NAV1: variants seen among roughly 807,000 people sequenced by gnomAD.
NAV1 encodes neuron navigator 1.
NAV1 carries 18 observed loss-of-function variants against 175.2 expected under a neutral mutation model. The observed-to-expected ratio is 0.10, with a 90% confidence interval of 0.07 to 0.15. The LOEUF (loss-of-function observed/expected upper bound fraction) is 0.15. Ranked by LOEUF, NAV1 falls within the 10% of genes least tolerant of loss-of-function variation. NAV1 has a pLI of 1.00. For missense variants in NAV1, 1,731 were observed against 2,436.6 expected, an observed-to-expected ratio of 0.71 and a Z score of 6.10; for synonymous variants, 897 against 978.7, an observed-to-expected ratio of 0.92 and a Z score of 1.56.
At chr1:201,744,933 G>T (rs1272246533) in intron 3 of NAV1, among the ~76,000 whole-genome samples, 3 of 152,178 alleles carry the variant, frequency 2.0e-5, no homozygotes, top group Non-Finnish European at 4.4e-5. Flanking sequence ...CTATCTGGAG[G>T]TCTTTGATAG....
In NAV1 at chr1:201,783,855, A is replaced by G. The variant is rs1338680931; in HGVS notation, c.2804+3A>G. On this transcript the variant is annotated splice_donor_region_variant and intron_variant, in intron 7 of 29. Transcript: ENST00000367296. Reference sequence around the variant, plus strand: ...CCCAGAGCTGGGCAACTGGACAGGTAGGTAGAAAAGACAGCAGAACCTCGG... The same window carrying G: ...CCCAGAGCTGGGCAACTGGACAGGTGGGTAGAAAAGACAGCAGAACCTCGG... The G allele has an allele frequency of 2.5e-6, 4 of 1,598,734 alleles. No homozygotes were observed. The African/African-American group carries it at 4.0e-5, about 16-fold the overall frequency.
exon 30 of NAV1, chr1:201,820,075 G>A (rs1679300395): frequency 1.3e-6 from 1 of 775,870 alleles, no homozygotes; most frequent in East Asian, 2.6e-5. Context: ...GAAAGAGGAG[G>A]GACAGGTTCT....
At chr1:201,544,068 C>T (rs534436915) in intron 1 of NAV1, among the ~76,000 whole-genome samples, 25 of 152,324 alleles carry the variant, frequency 1.6e-4, no homozygotes, top group Non-Finnish European at 3.7e-4. Context: ...AGCCTCAGCG[C>T]GGGCTTCATT....
intron 1 of NAV1, among the ~76,000 whole-genome samples, chr1:201,656,361 G>A (rs1669402757): frequency 6.6e-6 from 1 of 152,246 alleles, no homozygotes; most frequent in African/African-American, 2.4e-5. Context: ...TATGCTGTGT[G>A]TGTTCCCAGC....
At chr1:201,700,138 A>G (rs1671353853) in intron 1 of NAV1, among the ~76,000 whole-genome samples, 3 of 152,344 alleles carry the variant, frequency 2.0e-5, no homozygotes, top group Non-Finnish European at 4.4e-5. Context: ...AGAAACCACC[A>G]TCAGAGTGAA....
exon 1 of NAV1, chr1:201,648,429 C>T (rs1669055407): frequency 2.5e-6 from 3 of 1,222,756 alleles, no homozygotes; most frequent in South Asian, 4.3e-5. Flanking sequence ...CGCTCCCCGG[C>T]TTCCCTGCTC....
chr1:201,699,870 G>A (rs558082131), intron 1 of NAV1, among the ~76,000 whole-genome samples: 187 of 152,290 alleles, frequency 1.2e-3, no homozygotes, highest in African/African-American at 4.1e-3. Context: ...AATGATGCTG[G>A]GAAAACTGGC....
chr1:201,808,098 C>T lies in NAV1; in HGVS notation c.3794C>T (p.Ser1265Leu). 1 of 1,614,196 alleles carries T rather than the reference C, an allele frequency of 6.2e-7. No homozygotes were observed. The highest frequency in any genetic ancestry group is 1.1e-5 in the South Asian group (1 of 91,082). Residue 1265 changes from serine to leucine, a missense_variant, in exon 18 of 30, where the codon TCA becomes TTA. This residue lies in a region of NAV1 where 146 missense variants were observed against 176.8 expected (regional missense o/e 0.83). Transcript: ENST00000367296. The surrounding 1 kb of genome is among the most constrained non-coding windows in gnomAD (Gnocchi z 5.5). The stretch of plus-strand genomic sequence containing the variant: ...CAGCATGGTTCTACAGAGACTGCTT[C>T]ACCCTCCATCAAGTCCTCCACCTCG...
At chr1:201,590,084 G>T (rs897120023) in intron 2 of NAV1, among the ~76,000 whole-genome samples, 2 of 151,834 alleles carry the variant, frequency 1.3e-5, no homozygotes, top group Non-Finnish European at 2.9e-5. Context: ...GTGGAGATGG[G>T]ATTTCACCCT....
At chr1:201,799,690 T>G (rs1303264147) in intron 15 of NAV1, among the ~76,000 whole-genome samples, 1 of 152,062 alleles carries the variant, frequency 6.6e-6, no homozygotes, top group African/African-American at 2.4e-5. Context: ...TGAAACCCTG[T>G]CTCTACTAAA....
chr1:201,649,230 G>A (rs1669091657), exon 1 of NAV1: 1 of 1,612,996 alleles, frequency 6.2e-7, no homozygotes, highest in Non-Finnish European at 8.5e-7. Context: ...GCTCAGCAAG[G>A]CGCCTGAAGC....
chr1:201,642,469 C>A (rs994819732), intron 2 of NAV1, among the ~76,000 whole-genome samples: 1 of 151,478 alleles, frequency 6.6e-6, no homozygotes, highest in African/African-American at 2.4e-5. Flanking sequence ...TCGTGATTCA[C>A]CCAAAGTGCT....
chr1:201,767,710 G>A (rs554443899), intron 3 of NAV1, among the ~76,000 whole-genome samples: 76 of 152,204 alleles, frequency 5.0e-4, no homozygotes, highest in African/African-American at 1.8e-3. Flanking sequence ...GGTCACCAAC[G>A]TCTTAACAAA....
rs1429061481 is a variant in NAV1, at chr1:201,694,461, CG to C, written c.758-18352del. Among the ~76,000 whole-genome samples the C allele has an allele frequency of 6.6e-6, 1 of 152,080 alleles. No individual in the cohort carries two copies. Among genetic ancestry groups the C allele is most frequent in the Non-Finnish European group, 1.5e-5 (1 of 68,004 alleles). Reference sequence around the variant, plus strand: ...AGATGACCCTGGGGAGGGTGAGGGCCGGGGTCACCAGCTGCTGGGGCTTCTT... The same window carrying C: ...AGATGACCCTGGGGAGGGTGAGGGCCGGGTCACCAGCTGCTGGGGCTTCTT... On this transcript the variant is annotated intron_variant, in intron 1 of 29. Transcript: ENST00000367296. This position sits in a 1 kb window ranked among gnomAD's most constrained non-coding sequence, Gnocchi z 4.2.
upstream of NAV1, among the ~76,000 whole-genome samples, chr1:201,619,316 G>A (rs1668090498): frequency 6.6e-6 from 1 of 152,236 alleles, no homozygotes. Context: ...CAAGGGGCTG[G>A]GAGCCCAGGG....
chr1:201,798,788 T>C (rs1218928954), intron 15 of NAV1, among the ~76,000 whole-genome samples: 1 of 142,072 alleles, frequency 7.0e-6, no homozygotes, highest in African/African-American at 2.6e-5. Context: ...CTGTAACTTC[T>C]GCCTCCTGGG....
intron 3 of NAV1, among the ~76,000 whole-genome samples, chr1:201,756,824 CTTTCTTTCTTTCTT>C (rs1335693448): frequency 1.1e-3 from 44 of 40,166 alleles, no homozygotes; most frequent in African/African-American, 2.5e-3. Context: ...TTCTTTCTTT[CTTTCTTTCTTTCTT>C]TCTTTCTTTC....
intron 2 of NAV1, among the ~76,000 whole-genome samples, chr1:201,642,557 T>TATCTTCCTTCCTTCCTTCCTCTTTC (rs1553247081): frequency 9.4e-6 from 1 of 106,018 alleles, no homozygotes; most frequent in African/African-American, 4.3e-5. Context: ...TTCTTTCTTT[T>TATCTTCCTTCCTTCCTTCCTCTTTC]TTCCCTTTCT....
intron 1 of NAV1, among the ~76,000 whole-genome samples, chr1:201,668,695 C>T (rs1669922520): frequency 6.6e-6 from 1 of 152,238 alleles, no homozygotes; most frequent in African/African-American, 2.4e-5. Flanking sequence ...AGAGCCACCT[C>T]TGTAGTGTAT....
Sources: gnomAD v4.1 joint callset for allele counts (sites outside exome capture counted in the v4.1 genomes callset) on GRCh38, gnomAD v4.1.1 for gene constraint, gnomAD v4.1.1 regional missense constraint, Gnocchi (gnomAD v3.1) non-coding constraint, MANE v1.5 for transcripts, NCBI Gene and HGNC (gene_info 2026-07-23, HGNC 2026-07-21) for gene names.